The following EPHA5 variants were observed in gnomAD, a reference collection of about 807,000 sequenced individuals.
The protein encoded by EPHA5 is ephrin type-A receptor 5.
Under a neutral mutation model 105.0 loss-of-function variants are expected in EPHA5, and 60 were observed. That is an observed-to-expected ratio of 0.57 (90% CI 0.46 to 0.71). EPHA5 has a LOEUF of 0.71. Among genes scored for constraint, EPHA5 ranks in the 30% least tolerant of loss-of-function variants. The pLI is 0.00. For synonymous variants in EPHA5, 513 were observed against 449.1 expected (o/e 1.14, Z -1.80); for missense variants, 1,218 against 1,274.7 (o/e 0.96, Z 0.68).
At chr4:65,574,729 T>C (rs1410203829) in intron 3 of EPHA5, among the ~76,000 whole-genome samples, 76 of 99,160 alleles carry the variant, frequency 7.7e-4, no homozygotes, top group South Asian at 1.2e-3. Context: ...TACATATATA[T>C]ACATATATAT....
intron 3 of EPHA5, among the ~76,000 whole-genome samples, chr4:65,538,340 T>A (rs1355750079): frequency 6.6e-6 from 1 of 151,792 alleles, no homozygotes; most frequent in Non-Finnish European, 1.5e-5. Flanking sequence ...ATGTTTAGGG[T>A]AATCAAAAAT....
At chr4:65,512,138 G>A (rs1016354167) in intron 3 of EPHA5, among the ~76,000 whole-genome samples, 2 of 152,138 alleles carry the variant, frequency 1.3e-5, no homozygotes, top group Non-Finnish European at 2.9e-5. Context: ...CTGCCTGAAT[G>A]AAGTGATATC....
chr4:65,447,352 A>G lies in EPHA5; in HGVS notation c.1403-26787T>C, dbSNP rs1237081759. ...GTTACTGCATTCAATATACTATGAC[A>G]ACCATTATAGTTGATGTCAAACAAA... On this transcript the variant is annotated intron_variant, in intron 5 of 16. Transcript: ENST00000613740. 4.1e-4 allele frequency among the ~76,000 whole-genome samples: 63 copies of G among 152,144 alleles called. 1 individual carries two copies. The highest frequency in any genetic ancestry group is 4.1e-3 in the Admixed American group (63 of 15,244).
intron 5 of EPHA5, among the ~76,000 whole-genome samples, chr4:65,476,428 T>G (rs971926584): frequency 6.6e-6 from 1 of 152,104 alleles, no homozygotes; most frequent in South Asian, 2.1e-4. Context: ...TCATGTCTTT[T>G]GCAGCAATAT....
At chr4:65,628,502 G>C (rs1349430155) in intron 2 of EPHA5, among the ~76,000 whole-genome samples, 1 of 151,996 alleles carries the variant, frequency 6.6e-6, no homozygotes, top group Non-Finnish European at 1.5e-5. Flanking sequence ...TATTAGCCTT[G>C]AGATTATATA....
At chr4:65,526,126 A>AT (rs1255852637) in intron 3 of EPHA5, among the ~76,000 whole-genome samples, 1 of 151,870 alleles carries the variant, frequency 6.6e-6, no homozygotes, top group African/African-American at 2.4e-5. Flanking sequence ...TCAATGTTTC[A>AT]TTTATCAAAT....
At chr4:65,341,920 A>C (rs1276590655) in intron 14 of EPHA5, among the ~76,000 whole-genome samples, 1 of 152,184 alleles carries the variant, frequency 6.6e-6, no homozygotes, top group African/African-American at 2.4e-5. Context: ...CAGATGACAT[A>C]GAAATAGTTT....
chr4:65,385,817 GACCAA>G (rs1720024971), intron 8 of EPHA5, among the ~76,000 whole-genome samples: 1 of 151,622 alleles, frequency 6.6e-6, no homozygotes, highest in African/African-American at 2.4e-5. Flanking sequence ...GAATTTACCT[GACCAA>G]ACATTGAAAA....
At chr4:65,521,852 T>G (rs13130960) in intron 3 of EPHA5, among the ~76,000 whole-genome samples, 3,853 of 152,096 alleles carry the variant, frequency 0.025, 64 homozygotes, top group African/African-American at 0.03. Context: ...ATAAACATGT[T>G]ATAAAGTAGG....
intron 8 of EPHA5, among the ~76,000 whole-genome samples, chr4:65,374,389 A>T (rs1448818017): frequency 6.6e-6 from 1 of 151,986 alleles, no homozygotes; most frequent in Non-Finnish European, 1.5e-5. Flanking sequence ...AATTTGAGAT[A>T]AAAGGATTTA....
intron 3 of EPHA5, among the ~76,000 whole-genome samples, chr4:65,555,263 G>A (rs1044461504): frequency 2.0e-5 from 3 of 151,896 alleles, no homozygotes. Context: ...ATGGAAGCTT[G>A]GAATGCACTG....
At chr4:65,340,576 A>C (rs1721614665) in intron 14 of EPHA5, among the ~76,000 whole-genome samples, 1 of 152,130 alleles carries the variant, frequency 6.6e-6, no homozygotes. Context: ...AGGGGGATTC[A>C]GAGTGGATAG....
intron 3 of EPHA5, among the ~76,000 whole-genome samples, chr4:65,591,831 G>A (rs1481231551): frequency 1.3e-5 from 2 of 151,832 alleles, no homozygotes; most frequent in Non-Finnish European, 2.9e-5. Context: ...TTTTCAGACA[G>A]CTTAACTAAT....
intron 3 of EPHA5, among the ~76,000 whole-genome samples, chr4:65,529,874 G>A (rs34654090): frequency 2.6e-5 from 4 of 152,018 alleles, no homozygotes. Flanking sequence ...TTGGCCATTA[G>A]AAAGCAATAT....
chr4:65,552,145 A>G (rs1737982763), intron 3 of EPHA5, among the ~76,000 whole-genome samples: 1 of 152,220 alleles, frequency 6.6e-6, no homozygotes, highest in African/African-American at 2.4e-5. Context: ...TGATGTCAGA[A>G]CAGCCAAAGC....
chr4:65,659,952 A>G (rs1046696637), intron 1 of EPHA5, among the ~76,000 whole-genome samples: 2 of 152,152 alleles, frequency 1.3e-5, no homozygotes, highest in African/African-American at 2.4e-5. Context: ...GTCGACTTAC[A>G]ATATTAGTAA....
chr4:65,614,579 G>T (rs909163455), intron 2 of EPHA5, among the ~76,000 whole-genome samples: 4 of 151,748 alleles, frequency 2.6e-5, no homozygotes, highest in African/African-American at 9.7e-5. Context: ...AGGGCTCCTG[G>T]ATATCACAAG....
chr4:65,330,918 A>G lies in EPHA5; in HGVS notation c.2945+1055T>C, dbSNP rs1377906267. The stretch of plus-strand genomic sequence containing the variant: ...CTTTTAGTTATCGGTATGAAGGAAG[A>G]GAATGCTGAGAATGTGACATTAATT... On this transcript the variant is annotated intron_variant, in intron 16 of 16. Transcript: ENST00000613740. 2.9e-6 allele frequency: 3 copies of G among 1,039,024 alleles called. No individual in the cohort carries two copies. In the African/African-American group the frequency reaches 5.0e-5, roughly 17 times the overall value. The allele number at this position is 1,039,024 out of a possible 1,614,324, so 64.4% of individuals were successfully genotyped here. A position where few individuals can be genotyped will look rare whatever the true frequency, so the allele number is the denominator to read the frequency against.
At chr4:65,656,131 TAAAAAAA>T (rs34038643) in intron 1 of EPHA5, among the ~76,000 whole-genome samples, 4 of 109,612 alleles carry the variant, frequency 3.6e-5, no homozygotes, top group African/African-American at 6.8e-5. Context: ...TGCTGCTGCT[TAAAAAAA>T]AAAAAAAAAA....
Sources: allele counts gnomAD v4.1 joint callset (sites outside exome capture counted in the v4.1 genomes callset), GRCh38; gene constraint gnomAD v4.1.1; transcripts MANE v1.5; gene names NCBI Gene and HGNC (gene_info 2026-07-23, HGNC 2026-07-21).